Variants in ADAM22 observed in about 807,000 individuals in gnomAD.
ADAM22 encodes the protein disintegrin and metalloproteinase domain-containing protein 22.
In ADAM22, 65 loss-of-function variants were observed where a neutral mutation model predicts 144.6. The observed-to-expected ratio is 0.45, with a 90% CI of 0.37 to 0.55. ADAM22 has a LOEUF of 0.55. ADAM22 is among the 20% of genes least tolerant of loss of function. The pLI is 0.00. For missense variants in ADAM22, 974 were observed against 1,184.9 expected (o/e 0.82, Z 2.61); for synonymous variants, 391 against 412.6 (o/e 0.95, Z 0.63).
chr7:88,179,331 G>A (rs1191154644), intron 27 of ADAM22, among the ~76,000 whole-genome samples: 1 of 151,914 alleles, frequency 6.6e-6, no homozygotes, highest in African/African-American at 2.4e-5. Context: ...TATGGCTTAA[G>A]AAACTATACA....
intron 4 of ADAM22, 125 bp from the exon 5 acceptor site, chr7:88,108,051 G>A (rs1040965286): frequency 2.4e-5 from 16 of 668,916 alleles, no homozygotes; most frequent in Middle Eastern, 2.5e-4. Context: ...ATGCTAATCT[G>A]AATAATGAAA....
intron 2 of ADAM22, among the ~76,000 whole-genome samples, chr7:87,958,114 A>G (rs532903272): frequency 6.6e-6 from 1 of 152,252 alleles, no homozygotes; most frequent in African/African-American, 2.4e-5. Flanking sequence ...AGTAGTATTT[A>G]TAGCGTATTT....
At chr7:88,168,303 A>G (rs1411877978) in intron 25 of ADAM22, 76 bp downstream of exon 25, 7 of 1,416,752 alleles carry the variant, frequency 4.9e-6, no homozygotes, top group Non-Finnish European at 6.9e-6. Flanking sequence ...ACATCTAGAA[A>G]GTTTTGTATC....
intron 2 of ADAM22, among the ~76,000 whole-genome samples, chr7:87,960,796 A>G (rs1325466046): frequency 2.6e-5 from 4 of 152,158 alleles, no homozygotes; most frequent in African/African-American, 9.7e-5. Context: ...TGTTTTGAGT[A>G]ACTAACACTA....
intron 2 of ADAM22, among the ~76,000 whole-genome samples, chr7:87,969,705 C>G (rs1188384413): frequency 6.6e-6 from 1 of 152,124 alleles, no homozygotes; most frequent in African/African-American, 2.4e-5. Flanking sequence ...TTCAAATGTA[C>G]CTCAGCTCTT....
intron 14 of ADAM22, among the ~76,000 whole-genome samples, chr7:88,137,427 A>T (rs1190273112): frequency 6.6e-6 from 1 of 152,182 alleles, no homozygotes; most frequent in Non-Finnish European, 1.5e-5. Context: ...ATAATAGTAC[A>T]GGAGTTTCTA....
intron 22 of ADAM22, among the ~76,000 whole-genome samples, chr7:88,162,095 A>AACACACACACACAC (rs751053614): frequency 1.9e-5 from 1 of 52,658 alleles, no homozygotes; most frequent in Admixed American, 2.7e-4. Context: ...GAAAATGTGT[A>AACACACACACACAC]ATACACACAC....
At chr7:88,122,884 T>A (rs1468059076) in intron 7 of ADAM22, among the ~76,000 whole-genome samples, 1 of 152,260 alleles carries the variant, frequency 6.6e-6, no homozygotes, top group Non-Finnish European at 1.5e-5. Context: ...CTCTTAATTC[T>A]GCTCATCCTT....
At chr7:88,172,293 G>A (rs1386104652) in intron 26 of ADAM22, among the ~76,000 whole-genome samples, 1 of 151,730 alleles carries the variant, frequency 6.6e-6, no homozygotes, top group Non-Finnish European at 1.5e-5. Flanking sequence ...ACATAATATT[G>A]GAATGCACTC....
chr7:88,069,366 A>G (rs1378343665), intron 3 of ADAM22, among the ~76,000 whole-genome samples: 3 of 152,144 alleles, frequency 2.0e-5, no homozygotes, highest in Non-Finnish European at 2.9e-5. Flanking sequence ...GTGAGCCAAC[A>G]TATTTCTGTT....
intron 22 of ADAM22, among the ~76,000 whole-genome samples, chr7:88,157,530 A>G (rs1840312038): frequency 6.6e-6 from 1 of 152,154 alleles, no homozygotes; most frequent in Non-Finnish European, 1.5e-5. Context: ...ATTTCTCAGG[A>G]AAGTACTAGA....
rs373042901 is a variant in ADAM22 at position 88,047,452 on chromosome 7, G to T, written c.324-28174G>T. Among the ~76,000 whole-genome samples the T allele has an allele frequency of 2.6e-5, 4 of 152,142 alleles. No individual in the cohort carries two copies. In the East Asian group the frequency reaches 5.8e-4, roughly 22 times the overall value. ...AGTCTGTGTGTCTACTGTCAGTTCT[G>T]TTTATTGTGACTCTCAATGATACAT... On this transcript the variant is annotated intron_variant, in intron 3 of 31. Transcript: ENST00000413139.
Position 88,045,888 on chromosome 7 carries a change from T to TTGTGTGTGTGTG in ADAM22, c.324-29704_324-29693dup, listed in dbSNP as rs59898382. Among the ~76,000 whole-genome samples, 954 of 133,984 alleles carry TTGTGTGTGTGTG rather than the reference T, an allele frequency of 7.1e-3. 15 individuals are homozygous for TTGTGTGTGTGTG. The highest frequency in any genetic ancestry group is 0.019 in the Middle Eastern group (5 of 262). The allele number at this position is 133,984 out of a possible 152,430, so 87.9% of individuals were successfully genotyped here. A position where few individuals can be genotyped will look rare whatever the true frequency, so the allele number is the denominator to read the frequency against. On this transcript the variant is annotated intron_variant, in intron 3 of 31. Coordinates refer to ENST00000413139, the MANE Select transcript of ADAM22 (RefSeq NM_001324418.2). ...CATTTTAAGGCTGAGTCGTATTCTA[T>TTGTGTGTGTGTG]TGTGTGTGTGTGTGTGTGTGTGTGT...
At chr7:88,149,543 G>A (rs1837701155) in intron 18 of ADAM22, among the ~76,000 whole-genome samples, 1 of 152,158 alleles carries the variant, frequency 6.6e-6, no homozygotes, top group African/African-American at 2.4e-5. Flanking sequence ...TAGAGAAATT[G>A]AATAAACTTT....
chr7:88,126,148 G>A (rs1830343765), intron 8 of ADAM22, among the ~76,000 whole-genome samples: 1 of 151,958 alleles, frequency 6.6e-6, no homozygotes, highest in Non-Finnish European at 1.5e-5. Flanking sequence ...ACTGGATCTT[G>A]GACTAGGTAA....
chr7:87,948,420 C>T (rs1405278203), intron 2 of ADAM22, among the ~76,000 whole-genome samples: 1 of 152,098 alleles, frequency 6.6e-6, no homozygotes, highest in African/African-American at 2.4e-5. Context: ...CCTTGAATTG[C>T]TCCTCATTCA....
In ADAM22 at chr7:88,163,157, G is replaced by A. The variant is rs1399446884; in HGVS notation, c.2053G>A (p.Gly685Ser). 2.4e-5 allele frequency: 38 copies of A among 1,606,544 alleles called. No homozygotes were observed. The highest frequency in any genetic ancestry group is 9.0e-5 in the East Asian group (4 of 44,580). Reference protein sequence around the residue: ...NFSTCLSSKEGTICSGNGVCS... With the variant: ...NFSTCLSSKESTICSGNGVCS... The stretch of plus-strand genomic sequence containing the variant: ...TAGTACTTGCTTGAGCAGTAAAGAA[G>A]GCACTATTTGCTCAGGAAATGGAGT... Residue 685 changes from glycine (G) to serine (S), a missense_variant, in exon 23 of 32, where the codon GGC (glycine) becomes AGC (serine). Around this residue, in one of 2 missense-constraint regions of ADAM22, gnomAD observed 734 missense variants for 950.6 expected, o/e 0.77. Transcript: ENST00000413139.
intron 11 of ADAM22, chr7:88,132,137 T>G (rs920060192): frequency 4.2e-5 from 6 of 141,886 alleles, no homozygotes; most frequent in African/African-American, 1.7e-4. Flanking sequence ...CATCCTTCAG[T>G]TTTTTTTTTG....
At chr7:88,007,756 G>A (rs1040610719) in intron 3 of ADAM22, among the ~76,000 whole-genome samples, 2 of 152,068 alleles carry the variant, frequency 1.3e-5, no homozygotes, top group Admixed American at 1.3e-4. Flanking sequence ...ATTCAAGATG[G>A]ATTAAAGACT....
Sources: allele counts gnomAD v4.1 joint callset (sites outside exome capture counted in the v4.1 genomes callset), GRCh38; gene constraint gnomAD v4.1.1; regional missense constraint gnomAD v4.1.1; transcripts MANE v1.5; gene names NCBI Gene and HGNC (gene_info 2026-07-23, HGNC 2026-07-21).